The following SMPD3 variants were observed in gnomAD, a reference collection of about 807,000 sequenced individuals.
The protein encoded by SMPD3 is sphingomyelin phosphodiesterase 3, also known as nSMase-2.
SMPD3 carries 21 observed loss-of-function variants against 55.7 expected under a neutral mutation model. That is an observed-to-expected ratio of 0.38 (90% confidence interval 0.27 to 0.54). The LOEUF is 0.54. SMPD3 is among the 20% of genes least tolerant of loss of function. SMPD3 has a pLI of 0.80. For synonymous variants in SMPD3, 457 were observed against 404.3 expected, an observed-to-expected ratio of 1.13 and a Z score of -1.56; for missense variants, 842 against 899.6, an observed-to-expected ratio of 0.94 and a Z score of 0.82.
intron 1 of SMPD3, among the ~76,000 whole-genome samples, chr16:68,435,241 G>A (rs2090513347): frequency 6.6e-6 from 1 of 152,200 alleles, no homozygotes; most frequent in Non-Finnish European, 1.5e-5. Flanking sequence ...ACCTGAGCTG[G>A]CCTTTGCCTA....
intron 1 of SMPD3, among the ~76,000 whole-genome samples, chr16:68,406,662 G>A (rs532115243): frequency 1.3e-5 from 2 of 152,338 alleles, no homozygotes; most frequent in South Asian, 2.1e-4. Context: ...ATCAGACGCC[G>A]ATGTGGTTCA....
At chr16:68,393,772 A>C in intron 1 of SMPD3, among the ~76,000 whole-genome samples, 1 of 152,216 alleles carries the variant, frequency 6.6e-6, no homozygotes, top group Non-Finnish European at 1.5e-5. Context: ...TTTTGTAAAA[A>C]TCAGATACTC....
At chr16:68,387,007 G>A (rs1465651953) in intron 1 of SMPD3, among the ~76,000 whole-genome samples, 1 of 152,184 alleles carries the variant, frequency 6.6e-6, no homozygotes, top group Non-Finnish European at 1.5e-5. Flanking sequence ...GGTGGAGGGT[G>A]GGGAAGAGGT....
At position 68,411,677 on chromosome 16, in the gene SMPD3, T is replaced by C. The variant is rs140986895; in HGVS notation, c.-268-25018A>G. Among the ~76,000 whole-genome samples, 437 of 152,318 alleles carry C rather than the reference T, an allele frequency of 2.9e-3. 1 individual carries two copies. Among genetic ancestry groups the C allele is most frequent in the African/African-American group, 9.5e-3 (397 of 41,572 alleles). ...ACAGCAGCCACGTAGAGCATCCTTG[T>C]AGAACAAGCTGGATCACTCAAGCAA... is the stretch of plus-strand genomic sequence containing the variant. On this transcript the variant is annotated intron_variant, in intron 1 of 8. Coordinates refer to ENST00000219334, the MANE Select transcript of SMPD3 (RefSeq NM_018667.4).
intron 1 of SMPD3, among the ~76,000 whole-genome samples, chr16:68,447,000 G>A (rs1015386401): frequency 6.6e-6 from 1 of 152,138 alleles, no homozygotes; most frequent in Non-Finnish European, 1.5e-5. Context: ...GGCTCGCGCG[G>A]GCCCGCTAGA....
chr16:68,399,189 G>T (rs368981043), intron 1 of SMPD3, among the ~76,000 whole-genome samples: 3 of 152,238 alleles, frequency 2.0e-5, no homozygotes, highest in South Asian at 2.1e-4. Context: ...GGTGGGCTTG[G>T]GGGGAGGTCA....
chr16:68,394,554 T>C (rs2090138952), intron 1 of SMPD3, among the ~76,000 whole-genome samples: 1 of 152,262 alleles, frequency 6.6e-6, no homozygotes, highest in Admixed American at 6.5e-5. Flanking sequence ...TTAATTGACA[T>C]TTATTAGGCG....
rs1410087527 is a variant in SMPD3, at chr16:68,359,165, GCT to G, written c.*2039_*2040del. The G allele has an allele frequency of 6.6e-6, 1 of 152,492 alleles. No homozygotes were observed. Among genetic ancestry groups the G allele is most frequent in the African/African-American group, 2.4e-5 (1 of 41,474 alleles). The allele number at this position is 152,492 out of a possible 1,614,324, so 9.4% of individuals were successfully genotyped here. Reference sequence around the variant, plus strand: ...TGGGGGCCCTGCCCGGGCCTCAACTGCTCTCCCTGTGCAGGCAGTCGGCAGGC... The same window carrying G: ...TGGGGGCCCTGCCCGGGCCTCAACTGCTCCCTGTGCAGGCAGTCGGCAGGC... On this transcript the variant is annotated 3_prime_UTR_variant, in exon 9 of 9. Transcript: ENST00000219334.
chr16:68,373,175 T>C lies in SMPD3; in HGVS notation c.-206-788A>G, dbSNP rs541137656. On this transcript the variant is annotated intron_variant, in intron 2 of 8. Coordinates refer to ENST00000219334, the MANE Select transcript of SMPD3 (RefSeq NM_018667.4). ...GGGGCTGTGTGGGTCTGGCCCAAGC[T>C]TTAACCGCTGTCCCTCATGTACTCC... 7.0e-4 allele frequency among the ~76,000 whole-genome samples: 106 copies of C among 152,332 alleles called. 1 individual carries two copies. The South Asian group carries it at 9.5e-3, about 14-fold the overall frequency.
rs2089154645 is a variant in SMPD3 at position 68,360,060 on chromosome 16, C to G, written c.*1146G>C. On this transcript the variant is annotated 3_prime_UTR_variant, in exon 9 of 9. Coordinates refer to ENST00000219334, the MANE Select transcript of SMPD3 (RefSeq NM_018667.4). The stretch of plus-strand genomic sequence containing the variant: ...CTTCCTGCCTCCTAGGCCGGGGTCC[C>G]CTTGTGGCCTTGGTGTTGGCTGGGG... 1.3e-5 allele frequency: 2 copies of G among 153,316 alleles called. No individual in the cohort carries two copies. The highest frequency in any genetic ancestry group is 4.1e-4 in the South Asian group (2 of 4,848). 9.5% of individuals were successfully genotyped at this position (153,316 alleles called of 1,614,324 possible). A position where few individuals can be genotyped will look rare whatever the true frequency, so the allele number is the denominator to read the frequency against.
intron 2 of SMPD3, among the ~76,000 whole-genome samples, chr16:68,380,422 A>C (rs2089922219): frequency 6.6e-6 from 1 of 152,264 alleles, no homozygotes; most frequent in South Asian, 2.1e-4. Flanking sequence ...ACAGCTGAGC[A>C]TCTAGCCAGG....
chr16:68,392,835 G>GGAAAAAAA lies in SMPD3; in HGVS notation c.-268-6177_-268-6176insTTTTTTTC, dbSNP rs527930943. Among the ~76,000 whole-genome samples, 4 of 88,292 alleles carry GGAAAAAAA rather than the reference G, an allele frequency of 4.5e-5. No homozygotes were observed. The South Asian group carries it at 1.3e-3, about 30-fold the overall frequency. The allele number at this position is 88,292 out of a possible 152,430, so 57.9% of individuals were successfully genotyped here. ...CGTGACAGAATGAGACGCTGTCTGG[G>GGAAAAAAA]AAAAAAAAAAAAAAAAAAAAGATGC... On this transcript the variant is annotated intron_variant, in intron 1 of 8. Transcript: ENST00000219334.
In SMPD3 at chr16:68,428,147, A is replaced by G. The variant is rs536920436; in HGVS notation, c.-269+20206T>C. 2.6e-5 allele frequency among the ~76,000 whole-genome samples: 4 copies of G among 152,304 alleles called. No homozygotes were observed. In the South Asian group the frequency reaches 8.3e-4, roughly 32 times the overall value. ...TCATCCTTGGAGCAGGGAAGTAAAC[A>G]TCATGGAGACAAACTCACTTGACTT... On this transcript the variant is annotated intron_variant, in intron 1 of 8. Transcript: ENST00000219334.
At chr16:68,394,139 T>C (rs1278438341) in intron 1 of SMPD3, among the ~76,000 whole-genome samples, 1 of 152,192 alleles carries the variant, frequency 6.6e-6, no homozygotes, top group African/African-American at 2.4e-5. Context: ...TGTTTTTTCA[T>C]TTCTGGAAAC....
chr16:68,398,039 C>CAGGGAGGG (rs57767309), intron 1 of SMPD3, among the ~76,000 whole-genome samples: 2 of 140,110 alleles, frequency 1.4e-5, no homozygotes, highest in African/African-American at 2.6e-5. Flanking sequence ...GGGGCTTCGT[C>CAGGGAGGG]AGGGAGGGAG....
intron 1 of SMPD3, among the ~76,000 whole-genome samples, chr16:68,414,277 G>A (rs1015799189): frequency 6.6e-6 from 1 of 152,246 alleles, no homozygotes; most frequent in African/African-American, 2.4e-5. Context: ...TTTGAAAACA[G>A]CCTAGAGAGT....
At chr16:68,395,035 C>T (rs2090143532) in intron 1 of SMPD3, among the ~76,000 whole-genome samples, 1 of 151,990 alleles carries the variant, frequency 6.6e-6, no homozygotes, top group East Asian at 1.9e-4. Flanking sequence ...TGGCTAGCCC[C>T]CCTGGGTGGG....
Position 68,447,476 on chromosome 16 carries a change from G to T in SMPD3, c.-269+877C>A, listed in dbSNP as rs866376960. On this transcript the variant is annotated intron_variant, in intron 1 of 8. Coordinates refer to ENST00000219334, the MANE Select transcript of SMPD3 (RefSeq NM_018667.4). This position sits in a 1 kb window ranked among gnomAD's most constrained non-coding sequence, Gnocchi z 5.1. ...GAGCCCCAGGCCTGGATCCAGGTAG[G>T]GAGGGCCTGGGAGATAAGGCCCAGG... Among the ~76,000 whole-genome samples the T allele has an allele frequency of 6.6e-6, 1 of 152,178 alleles. No individual in the cohort carries two copies. The highest frequency in any genetic ancestry group is 1.5e-5 in the Non-Finnish European group (1 of 68,002).
At chr16:68,370,727 C>T (rs778686940) in intron 3 of SMPD3, 132 bp downstream of exon 3, 18 of 1,213,056 alleles carry the variant, frequency 1.5e-5, no homozygotes, top group Middle Eastern at 2.8e-4. Flanking sequence ...CAGGAAAGAC[C>T]GCGTCTGCCT....
Sources: gnomAD v4.1 joint callset for allele counts (sites outside exome capture counted in the v4.1 genomes callset) on GRCh38, gnomAD v4.1.1 for gene constraint, Gnocchi (gnomAD v3.1) non-coding constraint, MANE v1.5 for transcripts, NCBI Gene and HGNC (gene_info 2026-07-23, HGNC 2026-07-21) for gene names.